Variants in MTMR9 observed in about 807,000 individuals in gnomAD.
MTMR9 encodes the protein myotubularin-related protein 9.
In MTMR9, 39 loss-of-function variants were observed where a neutral mutation model predicts 69.5. The observed-to-expected ratio is 0.56, with a 90% CI of 0.43 to 0.73. The LOEUF (loss-of-function observed/expected upper bound fraction) is 0.73. Ranked by LOEUF, MTMR9 falls within the 30% of genes least tolerant of loss-of-function variation. The pLI, the probability that MTMR9 is intolerant of heterozygous loss-of-function variation, is 0.00. For missense variants in MTMR9, 900 were observed against 671.2 expected (o/e 1.34, Z -3.77); for synonymous variants, 354 against 240.8 (o/e 1.47, Z -4.35).
intron 1 of MTMR9, among the ~76,000 whole-genome samples, chr8:11,287,114 A>G (rs1799191650): frequency 6.6e-6 from 1 of 152,198 alleles, no homozygotes; most frequent in African/African-American, 2.4e-5. Context: ...TACCTCCTTC[A>G]CAAATTCTTC....
intron 2 of MTMR9, among the ~76,000 whole-genome samples, chr8:11,297,531 GT>G (rs58238612): frequency 0.056 from 8,009 of 142,252 alleles, 725 homozygotes; most frequent in African/African-American, 0.19. Context: ...GGGTTTTGTG[GT>G]TTTTTTTTTT....
Position 11,314,958 on chromosome 8 carries a change from G to C in MTMR9, c.1007G>C (p.Gly336Ala), listed in dbSNP as rs1800352831. 1.2e-6 allele frequency: 2 copies of C among 1,613,938 alleles called. No individual in the cohort carries two copies. Among genetic ancestry groups the C allele is most frequent in the Non-Finnish European group, 1.7e-6 (2 of 1,179,850 alleles). Reference protein sequence around the residue: ...GASILIHGTEGTDSTLQVTSL... With the variant: ...GASILIHGTEATDSTLQVTSL... ...TCAATATTGATTCACGGAACAGAAG[G>C]AACTGATTCCACACTCCAGGTGACC... Residue 336 changes from glycine to alanine, a missense_variant, in exon 7 of 10, where the codon GGA becomes GCA. Transcript: ENST00000221086.
chr8:11,331,823 T>A (rs770174552), downstream of MTMR9: 1 of 1,611,972 alleles, frequency 6.2e-7, no homozygotes, highest in East Asian at 2.2e-5. Context: ...CAGGCCTCTT[T>A]GTGCTGCAGA....
At chr8:11,310,406 C>T (rs965299403) in intron 6 of MTMR9, among the ~76,000 whole-genome samples, 2 of 152,166 alleles carry the variant, frequency 1.3e-5, no homozygotes, top group Non-Finnish European at 2.9e-5. Context: ...GGATAGATGG[C>T]ACTTTTCTTT....
intron 8 of MTMR9, 22 bp downstream of exon 8, chr8:11,316,915 G>A (rs781146899): frequency 4.7e-6 from 7 of 1,485,008 alleles, no homozygotes; most frequent in Non-Finnish European, 6.3e-6. Flanking sequence ...GCTCACATGG[G>A]GACCTTTCCT....
At chr8:11,321,215 T>C (rs566769984) in intron 9 of MTMR9, 21 of 334,206 alleles carry the variant, frequency 6.3e-5, no homozygotes, top group South Asian at 4.9e-4. Flanking sequence ...TAGATGGTCT[T>C]GAGGTTCTGG....
In MTMR9 at chr8:11,316,690, G is replaced by C. The variant is rs1376757053; in HGVS notation, c.1131G>C (p.Gln377His). The C allele has an allele frequency of 6.2e-7, 1 of 1,607,100 alleles. No individual in the cohort carries two copies. The highest frequency in any genetic ancestry group is 1.7e-5 in the Admixed American group (1 of 58,970). The change falls in exon 8 of 10, where the codon CAG becomes CAC. Residue 377 changes from glutamine to histidine, a missense_variant. Gln to His is a conservative substitution (Grantham distance 24). Transcript: ENST00000221086. ...REWLQAGHPF[Q>H]QRCAQSAYCN... is the part of the protein sequence containing the mutation. ...CCCCCTAGGCTGGTCACCCATTCCAGCAGCGCTGTGCACAGTCAGCCTACT... is the reference window on the plus strand; with the variant it reads ...CCCCCTAGGCTGGTCACCCATTCCACCAGCGCTGTGCACAGTCAGCCTACT...
At chr8:11,287,693 T>TTATTATATATTATATATATATAATATA (rs1563262554) in intron 1 of MTMR9, among the ~76,000 whole-genome samples, 6 of 135,738 alleles carry the variant, frequency 4.4e-5, no homozygotes, top group African/African-American at 1.5e-4. Flanking sequence ...TTTATTATGT[T>TTATTATATATTATATATATATAATATA]TATTATATAT....
At chr8:11,306,848 A>G (rs2117411551) in intron 5 of MTMR9, among the ~76,000 whole-genome samples, 1 of 152,234 alleles carries the variant, frequency 6.6e-6, no homozygotes, top group African/African-American at 2.4e-5. Flanking sequence ...ATGTCCCCAT[A>G]TCTGTGTCCC....
At position 11,319,680 on chromosome 8, in the gene MTMR9, T is replaced by C; in HGVS notation, c.1335-7T>C. 2 of 1,613,326 alleles carry C rather than the reference T, an allele frequency of 1.2e-6. No homozygotes were observed. Among genetic ancestry groups the C allele is most frequent in the Non-Finnish European group, 1.7e-6 (2 of 1,179,972 alleles). ...TTACTTTAATGGCAGTGTTCTTTCT[T>C]GATCAGATGTAAGTTGAAGCTACAG... On this transcript the variant is annotated splice_region_variant and splice_polypyrimidine_tract_variant and intron_variant, in intron 8 of 9. Transcript: ENST00000221086.
At chr8:11,290,012 G>A (rs949259054) in intron 1 of MTMR9, among the ~76,000 whole-genome samples, 2 of 152,136 alleles carry the variant, frequency 1.3e-5, no homozygotes, top group Non-Finnish European at 2.9e-5. Flanking sequence ...CATAAAGTAG[G>A]TGCGTATCTC....
chr8:11,291,711 A>G (rs1799385859), intron 1 of MTMR9, among the ~76,000 whole-genome samples: 1 of 151,926 alleles, frequency 6.6e-6, no homozygotes, highest in Admixed American at 6.6e-5. Context: ...TGCCAGACTA[A>G]CAAAACAAAA....
intron 1 of MTMR9, among the ~76,000 whole-genome samples, chr8:11,292,461 G>A (rs1425719139): frequency 6.6e-6 from 1 of 152,152 alleles, no homozygotes; most frequent in Non-Finnish European, 1.5e-5. Context: ...CCTATGAGCA[G>A]TGTGTGAGAG....
At chr8:11,310,493 C>A (rs918777700) in intron 6 of MTMR9, among the ~76,000 whole-genome samples, 1 of 152,082 alleles carries the variant, frequency 6.6e-6, no homozygotes, top group African/African-American at 2.4e-5. Flanking sequence ...TAGAGAAATT[C>A]ATAATAGAAT....
intron 6 of MTMR9, 28 bp downstream of exon 6, chr8:11,309,716 GA>G: frequency 6.2e-7 from 1 of 1,608,224 alleles, no homozygotes; most frequent in Non-Finnish European, 8.5e-7. Context: ...GTTCCTGAGC[GA>G]AACATGGCGC....
downstream of MTMR9, among the ~76,000 whole-genome samples, chr8:11,329,584 G>A (rs1318163148): frequency 3.3e-5 from 5 of 152,370 alleles, no homozygotes; most frequent in East Asian, 1.9e-4. Context: ...CTGAGGTGCC[G>A]GGATTGTAGA....
Position 11,327,903 on chromosome 8 carries a change from T to G in MTMR9, c.*5115T>G, listed in dbSNP as rs1254003329. The G allele has an allele frequency of 6.6e-6, 1 of 152,458 alleles. No individual in the cohort carries two copies. The highest frequency in any genetic ancestry group is 1.5e-5 in the Non-Finnish European group (1 of 68,040). 9.4% of individuals were successfully genotyped at this position (152,458 alleles called of 1,614,324 possible). On this transcript the variant is annotated 3_prime_UTR_variant, in exon 10 of 10. Coordinates refer to ENST00000221086, the MANE Select transcript of MTMR9 (RefSeq NM_015458.4). ...TAACATTTTAATATTGTTTGTAATA[T>G]TCACTAGGTGATAATTTCCCCTGTA...
At chr8:11,297,115 T>A (rs937254827) in intron 2 of MTMR9, among the ~76,000 whole-genome samples, 1 of 152,222 alleles carries the variant, frequency 6.6e-6, no homozygotes, top group African/African-American at 2.4e-5. Flanking sequence ...ATTTTTTCTT[T>A]CCGTGTATGT....
chr8:11,320,035 A>G, intron 9 of MTMR9, 197 bp downstream of exon 9: 2 of 503,756 alleles, frequency 4.0e-6, no homozygotes, highest in South Asian at 7.0e-5. Flanking sequence ...TTTTTCAGTT[A>G]CCATTGAGAA....
Sources: allele counts gnomAD v4.1 joint callset (sites outside exome capture counted in the v4.1 genomes callset), GRCh38; gene constraint gnomAD v4.1.1; transcripts MANE v1.5; gene names NCBI Gene and HGNC (gene_info 2026-07-23, HGNC 2026-07-21).